Variants in TLK2 observed in about 807,000 individuals in gnomAD.
The protein encoded by TLK2 is serine/threonine-protein kinase tousled-like 2.
In TLK2, 6 loss-of-function variants were observed where a neutral mutation model predicts 117.3. The ratio of observed to expected loss-of-function variants is 0.05; its 90% CI spans 0.03 to 0.10. The LOEUF (loss-of-function observed/expected upper bound fraction) is 0.10, where lower values mean the gene tolerates loss of function less well. Among genes scored for constraint, TLK2 ranks in the 10% least tolerant of loss-of-function variants. The probability of loss-of-function intolerance (pLI) is 1.00; values close to 1 mark genes in which losing one functional copy is unlikely to be tolerated. For synonymous variants in TLK2, 257 were observed against 316.7 expected, an observed-to-expected ratio of 0.81 and a Z score of 2.00; for missense variants, 299 against 901.2, an observed-to-expected ratio of 0.33 and a Z score of 8.56.
At chr17:62,591,323 C>T (rs2082064268) in intron 16 of TLK2, among the ~76,000 whole-genome samples, 1 of 151,472 alleles carries the variant, frequency 6.6e-6, no homozygotes, top group African/African-American at 2.4e-5. Context: ...TCTTAGCACT[C>T]TGTGTAAAAC....
At position 62,602,153 on chromosome 17, in the gene TLK2, T is replaced by A; in HGVS notation, c.1832T>A (p.Leu611Gln). 1 of 1,613,836 alleles carries A rather than the reference T, an allele frequency of 6.2e-7. No individual in the cohort carries two copies. Among genetic ancestry groups the A allele is most frequent in the Non-Finnish European group, 8.5e-7 (1 of 1,179,788 alleles). ...TACAATTCAGTGGATGGCATGGAGC[T>A]AACATCACAAGGTGCTGGTACTTAT... ...DSYNSVDGMELTSQGAGTYWY... is the reference protein window; with the variant it reads ...DSYNSVDGMEQTSQGAGTYWY... The change falls in exon 19 of 22, where the codon CTA (leucine) becomes CAA (glutamine). Residue 611 changes from leucine to glutamine, a missense_variant. By Grantham distance (113) the Leu-to-Gln change is moderately radical (BLOSUM62 -2). Transcript: ENST00000346027.
intron 10 of TLK2, among the ~76,000 whole-genome samples, chr17:62,561,901 G>T (rs1432884318): frequency 6.6e-6 from 1 of 152,168 alleles, no homozygotes; most frequent in Non-Finnish European, 1.5e-5. Context: ...TAAACATAAT[G>T]CTGTCTCTGA....
intron 2 of TLK2, among the ~76,000 whole-genome samples, chr17:62,520,066 C>T (rs1207820407): frequency 6.6e-6 from 1 of 152,164 alleles, no homozygotes; most frequent in Non-Finnish European, 1.5e-5. Flanking sequence ...TAGTGGTAGA[C>T]TAGGTGGGGA....
At position 62,531,930 on chromosome 17, in the gene TLK2, T is replaced by C. The variant is rs541489608; in HGVS notation, c.364-4240T>C. On this transcript the variant is annotated intron_variant, in intron 6 of 21. Coordinates refer to ENST00000346027, the MANE Select transcript of TLK2 (RefSeq NM_006852.6). ...TTCCTTGAGAATGTAGGTAGCTCTT[T>C]GGAGGCCCAGCTTGAAGTGGGAAGG... Among the ~76,000 whole-genome samples the C allele has an allele frequency of 8.0e-4, 122 of 152,296 alleles. 1 individual carries two copies. Among genetic ancestry groups the C allele is most frequent in the Admixed American group, 7.3e-3 (111 of 15,300 alleles).
intron 16 of TLK2, among the ~76,000 whole-genome samples, chr17:62,589,029 G>C (rs2081873017): frequency 6.6e-6 from 1 of 152,018 alleles, no homozygotes; most frequent in African/African-American, 2.4e-5. Context: ...CATTTATTCT[G>C]GTAAAAAAGA....
intron 2 of TLK2, among the ~76,000 whole-genome samples, chr17:62,499,542 C>G (rs193205776): frequency 5.3e-5 from 8 of 151,992 alleles, no homozygotes; most frequent in African/African-American, 1.9e-4. Context: ...ACTCAAGGAG[C>G]CATTTGTTGT....
chr17:62,518,933 A>C (rs35409758), intron 2 of TLK2, among the ~76,000 whole-genome samples: 49,951 of 152,012 alleles, frequency 0.33, 8,470 homozygotes, highest in Admixed American at 0.4. Context: ...GCTGGAGTGC[A>C]ATGTGCAGTG....
At position 62,495,909 on chromosome 17, in the gene TLK2, AC is replaced by A. The variant is rs534666253; in HGVS notation, c.81+14706del. 4.0e-5 allele frequency among the ~76,000 whole-genome samples: 6 copies of A among 151,412 alleles called. No homozygotes were observed. The South Asian group carries it at 1.3e-3, about 32-fold the overall frequency. On this transcript the variant is annotated intron_variant, in intron 2 of 21. Transcript: ENST00000346027. ...TCGAACTCCTGAGCTCAGACAATCC[AC>A]CCACCTCTGCCTCTCAAAGTGCTGT... is the stretch of plus-strand genomic sequence containing the variant.
intron 6 of TLK2, 95 bp from the exon 7 acceptor site, chr17:62,536,075 C>G: frequency 1.4e-6 from 2 of 1,406,066 alleles, no homozygotes; most frequent in Non-Finnish European, 1.9e-6. Flanking sequence ...AACCATTCAT[C>G]TTATATTTGA....
At chr17:62,541,254 T>A (rs1319459722) in intron 7 of TLK2, among the ~76,000 whole-genome samples, 1 of 152,238 alleles carries the variant, frequency 6.6e-6, no homozygotes, top group Non-Finnish European at 1.5e-5. Context: ...GATGGACTTT[T>A]GTCTGACTTC....
At chr17:62,517,318 A>G (rs961552936) in intron 2 of TLK2, among the ~76,000 whole-genome samples, 6 of 152,234 alleles carry the variant, frequency 3.9e-5, no homozygotes, top group African/African-American at 1.2e-4. Flanking sequence ...ATTCTTTTCC[A>G]TTGATATCTG....
chr17:62,525,924 A>G (rs529458558), intron 6 of TLK2, among the ~76,000 whole-genome samples: 15 of 152,338 alleles, frequency 9.8e-5, no homozygotes, highest in Non-Finnish European at 1.8e-4. Context: ...TCTATTTGGG[A>G]CAGATACGTT....
At chr17:62,536,475 A>G in intron 7 of TLK2, 138 bp downstream of exon 7, 4 of 953,632 alleles carry the variant, frequency 4.2e-6, no homozygotes, top group Non-Finnish European at 6.0e-6. Flanking sequence ...CCTTATCATC[A>G]TTCCCAAACA....
At chr17:62,477,823 ATAGT>A (rs1303628511), upstream of TLK2, 1 of 152,238 alleles carries the variant, frequency 6.6e-6, no homozygotes, top group Non-Finnish European at 1.5e-5. Context: ...TGCCCGCTAG[ATAGT>A]TCTCATTCCT....
At position 62,533,367 on chromosome 17, in the gene TLK2, GGTGT is replaced by G. The variant is rs369887924; in HGVS notation, c.364-2782_364-2779del. ...TCCCATATGGTGTATTCCTATACGG[GGTGT>G]GTGTGTGTGTGTGTGTGTGTCTGTG... On this transcript the variant is annotated intron_variant, in intron 6 of 21. Coordinates refer to ENST00000346027, the MANE Select transcript of TLK2 (RefSeq NM_006852.6). 4.5e-5 allele frequency among the ~76,000 whole-genome samples: 5 copies of G among 111,122 alleles called. 1 individual carries two copies. Among genetic ancestry groups the G allele is most frequent in the South Asian group, 5.7e-4 (2 of 3,534 alleles). The allele number at this position is 111,122 out of a possible 152,430, so 72.9% of individuals were successfully genotyped here.
chr17:62,536,769 A>G (rs1279102421), intron 7 of TLK2, among the ~76,000 whole-genome samples: 1 of 152,108 alleles, frequency 6.6e-6, no homozygotes, highest in Non-Finnish European at 1.5e-5. Flanking sequence ...GTTACTGGTC[A>G]TTTACCCCGT....
chr17:62,536,405 T>G lies in TLK2; in HGVS notation c.531+68T>G, dbSNP rs1172918995. 3.4e-6 allele frequency: 5 copies of G among 1,470,742 alleles called. No individual in the cohort carries two copies. In the Admixed American group the frequency reaches 1.3e-4, roughly 37 times the overall value. The allele number at this position is 1,470,742 out of a possible 1,614,324, so 91.1% of individuals were successfully genotyped here. The stretch of plus-strand genomic sequence containing the variant: ...CTAGTGCTCCTTGATGAGGTTGGAT[T>G]AATTATTTTGATAGAGAGATAGGGA... On this transcript the variant is annotated intron_variant, in intron 7 of 21. Transcript: ENST00000346027.
chr17:62,553,575 A>AC (rs1037204037), intron 8 of TLK2, 88 bp from the exon 9 acceptor site: 113 of 906,786 alleles, frequency 1.2e-4, no homozygotes, highest in East Asian at 5.0e-4. Context: ...GCTTTTTCCC[A>AC]CCCCCCCGAG....
At chr17:62,521,963 T>G (rs1371171331) in intron 3 of TLK2, among the ~76,000 whole-genome samples, 1 of 152,220 alleles carries the variant, frequency 6.6e-6, no homozygotes, top group Non-Finnish European at 1.5e-5. Context: ...AGCTCTGATT[T>G]ACAGATGAAT....
Sources: gnomAD v4.1 joint callset for allele counts (sites outside exome capture counted in the v4.1 genomes callset) on GRCh38, gnomAD v4.1.1 for gene constraint, MANE v1.5 for transcripts, NCBI Gene and HGNC (gene_info 2026-07-23, HGNC 2026-07-21) for gene names.